FBXO36: variants seen among roughly 807,000 people sequenced by gnomAD.
FBXO36 encodes the protein F-box only protein 36.
FBXO36 carries 18 observed loss-of-function variants against 17.0 expected under a neutral mutation model. That is an observed-to-expected ratio of 1.06 (90% CI 0.73 to 1.57). The LOEUF is 1.57. FBXO36 is among the 40% of genes most tolerant of loss of function. The pLI, the probability that FBXO36 is intolerant of heterozygous loss-of-function variation, is 0.00. For synonymous variants in FBXO36, 83 were observed against 85.3 expected (o/e 0.97, Z 0.15); for missense variants, 229 against 221.9 (o/e 1.03, Z -0.20).
Position 229,950,524 on chromosome 2 carries a change from TTCTG to T in FBXO36, c.97-25713_97-25710del, listed in dbSNP as rs535743185. 1.6e-3 allele frequency among the ~76,000 whole-genome samples: 247 copies of T among 152,276 alleles called. 1 individual carries two copies. Among genetic ancestry groups the T allele is most frequent in the African/African-American group, 5.5e-3 (228 of 41,566 alleles). On this transcript the variant is annotated intron_variant, in intron 1 of 3. Coordinates refer to ENST00000283946, the MANE Select transcript of FBXO36 (RefSeq NM_174899.5). ...ATGTGAGGTATGGAGGTAAAGTAAG[TTCTG>T]TCTAAGGTCAGAAATGTCAAAAGAC...
intron 3 of FBXO36, among the ~76,000 whole-genome samples, chr2:230,006,706 G>T (rs2077388508): frequency 6.6e-6 from 1 of 152,178 alleles, no homozygotes; most frequent in African/African-American, 2.4e-5. Flanking sequence ...AGGCAGATCT[G>T]CAGGCACATG....
At position 230,012,431 on chromosome 2, in the gene FBXO36, G is replaced by A. The variant is rs531688331; in HGVS notation, c.*1547G>A. The A allele has an allele frequency of 2.0e-4, 30 of 152,164 alleles. No individual in the cohort carries two copies. The highest frequency in any genetic ancestry group is 6.3e-4 in the African/African-American group (26 of 41,566). The allele number at this position is 152,164 out of a possible 1,614,324, so 9.4% of individuals were successfully genotyped here. ...AGGTACACACAGTCAAAAGTTTTCCGTGACTGTGAAATCCAGTGCAATCTG... is the reference window on the plus strand; with the variant it reads ...AGGTACACACAGTCAAAAGTTTTCCATGACTGTGAAATCCAGTGCAATCTG... On this transcript the variant is annotated 3_prime_UTR_variant, in exon 4 of 4. Transcript: ENST00000283946.
chr2:229,925,137 CA>C (rs1266727263), intron 1 of FBXO36, among the ~76,000 whole-genome samples: 1 of 150,452 alleles, frequency 6.6e-6, no homozygotes, highest in Non-Finnish European at 1.5e-5. Flanking sequence ...TTATTTTTTG[CA>C]AGTGAAAAAC....
At chr2:229,922,960 GGAAA>G (rs1351474228) in intron 1 of FBXO36, among the ~76,000 whole-genome samples, 1 of 152,186 alleles carries the variant, frequency 6.6e-6, no homozygotes, top group Non-Finnish European at 1.5e-5. Flanking sequence ...TGAGAAGGAG[GGAAA>G]GAACGACTCA....
At chr2:229,948,549 T>C (rs993455672) in intron 1 of FBXO36, among the ~76,000 whole-genome samples, 52 of 149,610 alleles carry the variant, frequency 3.5e-4, no homozygotes, top group Non-Finnish European at 6.7e-4. Context: ...ACTTCATTTC[T>C]CATCCTCCCT....
chr2:229,936,123 C>T (rs1203772135), intron 1 of FBXO36, among the ~76,000 whole-genome samples: 1 of 152,078 alleles, frequency 6.6e-6, no homozygotes, highest in African/African-American at 2.4e-5. Flanking sequence ...GCAGAGGTTG[C>T]AGTGAACCGA....
chr2:229,998,873 G>A (rs184498219), intron 3 of FBXO36, among the ~76,000 whole-genome samples: 1,510 of 150,166 alleles, frequency 0.01, 13 homozygotes, highest in Non-Finnish European at 0.016. Flanking sequence ...CGCGATCTCG[G>A]CTTACTACAA....
intron 2 of FBXO36, among the ~76,000 whole-genome samples, chr2:229,986,648 C>T (rs1039160255): frequency 6.6e-6 from 1 of 150,956 alleles, no homozygotes; most frequent in Non-Finnish European, 1.5e-5. Context: ...GATTCTCCTG[C>T]CTCAGCCTCC....
intron 1 of FBXO36, among the ~76,000 whole-genome samples, chr2:229,959,116 A>G (rs1034232099): frequency 2.0e-5 from 3 of 152,088 alleles, no homozygotes; most frequent in Admixed American, 1.3e-4. Context: ...TATTGCTTAT[A>G]TGACTTTTTT....
In FBXO36 at chr2:229,954,159, C is replaced by G. The variant is rs2077071690; in HGVS notation, c.97-22082C>G. 3.3e-5 allele frequency among the ~76,000 whole-genome samples: 5 copies of G among 149,284 alleles called. No individual in the cohort carries two copies. In the Admixed American group the frequency reaches 3.4e-4, roughly 10 times the overall value. ...GGTTATAGGTGTGAGCTACCACACT[C>G]AACCTTATTTAATTGATAACTTTGT... On this transcript the variant is annotated intron_variant, in intron 1 of 3. Transcript: ENST00000283946.
intron 1 of FBXO36, among the ~76,000 whole-genome samples, chr2:229,938,283 G>GC (rs1472067702): frequency 7.8e-6 from 1 of 129,014 alleles, no homozygotes; most frequent in Admixed American, 9.1e-5. Context: ...GTGCAATGGC[G>GC]CCATCTCGGC....
At chr2:229,992,796 A>G (rs1288313898) in intron 2 of FBXO36, among the ~76,000 whole-genome samples, 1 of 152,182 alleles carries the variant, frequency 6.6e-6, no homozygotes, top group Non-Finnish European at 1.5e-5. Context: ...GGAGACTTGC[A>G]TGGGGTTGAA....
At chr2:229,943,888 C>T (rs1243355559) in intron 1 of FBXO36, among the ~76,000 whole-genome samples, 1 of 152,130 alleles carries the variant, frequency 6.6e-6, no homozygotes, top group Non-Finnish European at 1.5e-5. Flanking sequence ...GGAGGAGGGG[C>T]TTGGTGGGAG....
intron 1 of FBXO36, among the ~76,000 whole-genome samples, chr2:229,940,074 C>G (rs2076990345): frequency 6.6e-6 from 1 of 151,394 alleles, no homozygotes; most frequent in Non-Finnish European, 1.5e-5. Context: ...GAGTGAGACC[C>G]TGTCTCAAAA....
At chr2:229,998,635 A>G (rs1395379477) in intron 3 of FBXO36, among the ~76,000 whole-genome samples, 1 of 151,416 alleles carries the variant, frequency 6.6e-6, no homozygotes, top group Non-Finnish European at 1.5e-5. Context: ...AAAAAAAAAA[A>G]AAAAGAATTT....
At chr2:229,945,722 A>G (rs917676797) in intron 1 of FBXO36, among the ~76,000 whole-genome samples, 2 of 152,094 alleles carry the variant, frequency 1.3e-5, no homozygotes, top group Non-Finnish European at 2.9e-5. Flanking sequence ...TGGGATAGAT[A>G]TTAAAAGATG....
intron 1 of FBXO36, among the ~76,000 whole-genome samples, chr2:229,940,574 T>C (rs1340191836): frequency 6.6e-6 from 1 of 152,106 alleles, no homozygotes. Context: ...AGAAACAAGG[T>C]CATTGCAGAT....
At chr2:230,002,699 A>C (rs535637481) in intron 3 of FBXO36, among the ~76,000 whole-genome samples, 1 of 152,206 alleles carries the variant, frequency 6.6e-6, no homozygotes, top group South Asian at 2.1e-4. Flanking sequence ...TTTTTTCTCA[A>C]ATCAGTTTCA....
rs575499264 is a variant in FBXO36 at position 229,925,118 on chromosome 2, ATTTATTT to A, written c.96+2520_96+2526del. ...CTTTCTTTATTTTTATTATTTATTT[ATTTATTT>A]TTTATTTTTTGCAAGTGAAAAACTC... On this transcript the variant is annotated intron_variant, in intron 1 of 3. Coordinates refer to ENST00000283946, the MANE Select transcript of FBXO36 (RefSeq NM_174899.5). Among the ~76,000 whole-genome samples, 30 of 151,104 alleles carry A rather than the reference ATTTATTT, an allele frequency of 2.0e-4. No individual in the cohort carries two copies. In the East Asian group the frequency reaches 5.6e-3, roughly 28 times the overall value.
Sources: gnomAD v4.1 joint callset for allele counts (sites outside exome capture counted in the v4.1 genomes callset) on GRCh38, gnomAD v4.1.1 for gene constraint, MANE v1.5 for transcripts, NCBI Gene and HGNC (gene_info 2026-07-23, HGNC 2026-07-21) for gene names.